Variants in ATRNL1 observed in about 807,000 individuals in gnomAD.
The protein encoded by ATRNL1 is attractin like 1, also known as attractin-like protein 1.
A neutral mutation model predicts 182.7 loss-of-function variants in ATRNL1; 95 were observed. The ratio of observed to expected loss-of-function variants is 0.52; its 90% CI spans 0.44 to 0.62. The LOEUF (loss-of-function observed/expected upper bound fraction) is 0.62, where lower values mean the gene tolerates loss of function less well. Among genes scored for constraint, ATRNL1 ranks in the 20% least tolerant of loss-of-function variants. The probability of loss-of-function intolerance (pLI) is 0.00; values close to 1 mark genes in which losing one functional copy is unlikely to be tolerated. For missense variants in ATRNL1, 1,471 were observed against 1,679.5 expected (o/e 0.88, Z 2.17); for synonymous variants, 576 against 568.3 (o/e 1.01, Z -0.19).
chr10:115,621,276 T>TATATATATATATATAG (rs1268020830), intron 26 of ATRNL1, among the ~76,000 whole-genome samples: 42 of 47,566 alleles, frequency 8.8e-4, no homozygotes, highest in South Asian at 2.1e-3. Context: ...TATATATATA[T>TATATATATATATATAG]AGAGAGAGAG....
chr10:115,864,745 G>A (rs1223352972), intron 28 of ATRNL1, among the ~76,000 whole-genome samples: 2 of 152,190 alleles, frequency 1.3e-5, no homozygotes, highest in Non-Finnish European at 2.9e-5. Context: ...CACTTTGGGA[G>A]GCCGAGGTGG....
intron 5 of ATRNL1, among the ~76,000 whole-genome samples, chr10:115,151,369 T>C (rs1295480183): frequency 2.6e-5 from 4 of 152,162 alleles, no homozygotes; most frequent in South Asian, 4.1e-4. Flanking sequence ...TTCTCCACAT[T>C]CTCTCCAGCA....
intron 27 of ATRNL1, among the ~76,000 whole-genome samples, chr10:115,747,275 A>G (rs1218386370): frequency 2.0e-5 from 3 of 152,108 alleles, no homozygotes; most frequent in African/African-American, 7.2e-5. Context: ...CCTTTATCTT[A>G]CATATACTGT....
At chr10:115,580,729 T>G (rs1294653842) in intron 26 of ATRNL1, among the ~76,000 whole-genome samples, 1 of 151,978 alleles carries the variant, frequency 6.6e-6, no homozygotes, top group African/African-American at 2.4e-5. Context: ...ATGTATGTAA[T>G]TGTTACCCAT....
intron 24 of ATRNL1, among the ~76,000 whole-genome samples, chr10:115,473,201 A>C (rs1400561564): frequency 1.3e-5 from 2 of 151,278 alleles, no homozygotes; most frequent in Admixed American, 6.6e-5. Flanking sequence ...CCACTTGATC[A>C]TGTTTTATGA....
At position 115,772,959 on chromosome 10, in the gene ATRNL1, A is replaced by G. The variant is rs556403556; in HGVS notation, c.3903+45604A>G. Among the ~76,000 whole-genome samples the G allele has an allele frequency of 2.1e-3, 319 of 152,224 alleles. 1 individual carries two copies. The highest frequency in any genetic ancestry group is 3.3e-3 in the Non-Finnish European group (222 of 68,000). ...AATTGTGACTACTGACTGAGGCAAA[A>G]ATCAACCACAGCCAATAGGCGGTTT... On this transcript the variant is annotated intron_variant, in intron 27 of 28. Transcript: ENST00000355044.
chr10:115,708,519 C>G (rs1946968353), intron 26 of ATRNL1, among the ~76,000 whole-genome samples: 1 of 151,626 alleles, frequency 6.6e-6, no homozygotes, highest in Non-Finnish European at 1.5e-5. Context: ...CTTTTTAATA[C>G]TGTTTGTTAG....
intron 19 of ATRNL1, among the ~76,000 whole-genome samples, chr10:115,350,085 C>A (rs1352655694): frequency 6.6e-6 from 1 of 151,960 alleles, no homozygotes; most frequent in African/African-American, 2.4e-5. Context: ...CGCCTGTAAT[C>A]CCAGCACTTT....
chr10:115,693,921 G>T (rs1233737216), intron 26 of ATRNL1, among the ~76,000 whole-genome samples: 1 of 152,018 alleles, frequency 6.6e-6, no homozygotes, highest in African/African-American at 2.4e-5. Context: ...TTTGACAGGA[G>T]GGTGCTAGGC....
intron 26 of ATRNL1, among the ~76,000 whole-genome samples, chr10:115,696,134 G>A (rs1371054898): frequency 8.9e-6 from 1 of 111,734 alleles, no homozygotes; most frequent in Non-Finnish European, 2.3e-5. Context: ...TCCTGAGCTC[G>A]TGATCCGCCT....
chr10:115,764,070 A>G (rs1555074346), intron 27 of ATRNL1, among the ~76,000 whole-genome samples: 1 of 152,178 alleles, frequency 6.6e-6, no homozygotes, highest in African/African-American at 2.4e-5. Context: ...TCTCTGCTTT[A>G]TAGATGCAGT....
chr10:115,168,021 A>G (rs1847122833), intron 7 of ATRNL1, among the ~76,000 whole-genome samples: 1 of 152,062 alleles, frequency 6.6e-6, no homozygotes, highest in South Asian at 2.1e-4. Context: ...AGCAGTCACA[A>G]AGCTACTTTC....
chr10:115,535,613 G>A (rs1487917278), intron 25 of ATRNL1, among the ~76,000 whole-genome samples: 2 of 152,166 alleles, frequency 1.3e-5, no homozygotes, highest in African/African-American at 2.4e-5. Flanking sequence ...CAACTCATCA[G>A]AGTCATTCTC....
intron 9 of ATRNL1, 63 bp from the exon 10 acceptor site, chr10:115,241,508 C>G: frequency 8.8e-7 from 1 of 1,140,610 alleles, no homozygotes; most frequent in Non-Finnish European, 1.3e-6. Flanking sequence ...CTTTATATAA[C>G]ATATATAAAA....
intron 28 of ATRNL1, among the ~76,000 whole-genome samples, chr10:115,915,140 G>A (rs1487904635): frequency 6.6e-6 from 1 of 152,166 alleles, no homozygotes; most frequent in East Asian, 1.9e-4. Context: ...GCTCACACCT[G>A]TAATCCCAGC....
chr10:115,677,192 A>G (rs1945891726), intron 26 of ATRNL1, among the ~76,000 whole-genome samples: 2 of 152,136 alleles, frequency 1.3e-5, no homozygotes, highest in South Asian at 4.1e-4. Context: ...CATGGGCTAA[A>G]AGCTCTAAAT....
chr10:115,742,898 A>C (rs964538396), intron 27 of ATRNL1, among the ~76,000 whole-genome samples: 4 of 152,196 alleles, frequency 2.6e-5, no homozygotes, highest in Non-Finnish European at 2.9e-5. Context: ...GGTAATTTAC[A>C]AAGGAAAGAG....
intron 27 of ATRNL1, among the ~76,000 whole-genome samples, chr10:115,737,858 C>G (rs1377366915): frequency 1.3e-5 from 2 of 152,078 alleles, no homozygotes; most frequent in Non-Finnish European, 2.9e-5. Flanking sequence ...GTTTACAGTT[C>G]TCTCTAGACC....
At chr10:115,450,519 A>G (rs1180927329) in intron 21 of ATRNL1, among the ~76,000 whole-genome samples, 4 of 152,182 alleles carry the variant, frequency 2.6e-5, no homozygotes, top group African/African-American at 9.7e-5. Flanking sequence ...TCAGAAAGGC[A>G]ATCCCATTCA....
Sources: allele counts gnomAD v4.1 joint callset (sites outside exome capture counted in the v4.1 genomes callset), GRCh38; gene constraint gnomAD v4.1.1; transcripts MANE v1.5; gene names NCBI Gene and HGNC (gene_info 2026-07-23, HGNC 2026-07-21).